Variants in B3GALT1 observed in about 807,000 individuals in gnomAD.
B3GALT1 encodes beta-1,3-galactosyltransferase 1, also known as UDP-Gal:betaGlcNAc beta 1,3-galactosyltransferase, polypeptide 1.
Under a neutral mutation model 23.2 loss-of-function variants are expected in B3GALT1, and 10 were observed. The observed-to-expected ratio is 0.43, with a 90% confidence interval of 0.27 to 0.73. The LOEUF (loss-of-function observed/expected upper bound fraction) is 0.73, where lower values mean the gene tolerates loss of function less well. Among genes scored for constraint, B3GALT1 ranks in the 30% least tolerant of loss-of-function variants. B3GALT1 has a pLI of 0.21. For missense variants in B3GALT1, 299 were observed against 405.4 expected (o/e 0.74, Z 2.25); for synonymous variants, 156 against 141.5 (o/e 1.10, Z -0.73).
chr2:167,704,201 A>AT (rs1686936128), intron 3 of B3GALT1, among the ~76,000 whole-genome samples: 1 of 151,384 alleles, frequency 6.6e-6, no homozygotes, highest in African/African-American at 2.4e-5. Flanking sequence ...AAAAAAAAAA[A>AT]AGGTAACTCA....
chr2:167,420,844 A>G (rs1381028388), intron 1 of B3GALT1, among the ~76,000 whole-genome samples: 3 of 152,238 alleles, frequency 2.0e-5, no homozygotes, highest in Admixed American at 6.5e-5. Context: ...ACTTGATTGC[A>G]TGAAGTAGAG....
At chr2:167,342,794 C>A (rs1697169474) in intron 1 of B3GALT1, among the ~76,000 whole-genome samples, 1 of 152,052 alleles carries the variant, frequency 6.6e-6, no homozygotes, top group African/African-American at 2.4e-5. Flanking sequence ...AACATACAGG[C>A]TTTGACTGGT....
intron 3 of B3GALT1, among the ~76,000 whole-genome samples, chr2:167,702,317 G>A (rs1342336289): frequency 6.6e-6 from 1 of 152,202 alleles, no homozygotes; most frequent in East Asian, 1.9e-4. Context: ...GCCAAATATT[G>A]TATATTATTC....
intron 1 of B3GALT1, among the ~76,000 whole-genome samples, chr2:167,461,195 A>C (rs1478888586): frequency 6.6e-6 from 1 of 152,216 alleles, no homozygotes; most frequent in Non-Finnish European, 1.5e-5. Context: ...TCTGGGCCCC[A>C]CAAGCCATGT....
At chr2:167,322,122 G>A (rs1696824404) in intron 1 of B3GALT1, among the ~76,000 whole-genome samples, 1 of 151,878 alleles carries the variant, frequency 6.6e-6, no homozygotes, top group South Asian at 2.1e-4. Flanking sequence ...TTAGGATCTG[G>A]TTATTTTGAA....
At chr2:167,592,391 G>C (rs1227905003) in intron 2 of B3GALT1, among the ~76,000 whole-genome samples, 1 of 152,154 alleles carries the variant, frequency 6.6e-6, no homozygotes, top group Non-Finnish European at 1.5e-5. Flanking sequence ...GATGCTCCTA[G>C]GCATAGGAGG....
chr2:167,624,557 T>G (rs886353949), intron 2 of B3GALT1, among the ~76,000 whole-genome samples: 1 of 151,988 alleles, frequency 6.6e-6, no homozygotes, highest in African/African-American at 2.4e-5. Flanking sequence ...AAAGCTGAGT[T>G]TAAGTACCTT....
intron 1 of B3GALT1, among the ~76,000 whole-genome samples, chr2:167,483,940 C>T (rs573779008): frequency 3.3e-4 from 51 of 152,306 alleles, no homozygotes; most frequent in African/African-American, 1.1e-3. Context: ...AACCCTCTGT[C>T]TCTATTGCAC....
intron 1 of B3GALT1, among the ~76,000 whole-genome samples, chr2:167,439,248 A>G (rs749465507): frequency 5.3e-5 from 8 of 152,172 alleles, no homozygotes; most frequent in Admixed American, 3.3e-4. Flanking sequence ...TTTGCTTTCT[A>G]TACTTTAAAT....
intron 1 of B3GALT1, among the ~76,000 whole-genome samples, chr2:167,442,240 G>T (rs1391415486): frequency 2.0e-5 from 3 of 152,028 alleles, no homozygotes; most frequent in African/African-American, 7.3e-5. Context: ...AGTATTCCAT[G>T]GTGTATATGT....
rs562235630 is a variant in B3GALT1, at chr2:167,715,992, G to A, written c.-352+69026G>A. 1.1e-5 allele frequency: 17 copies of A among 1,611,956 alleles called. No homozygotes were observed. In the South Asian group the frequency reaches 1.9e-4, roughly 18 times the overall value. On this transcript the variant is annotated intron_variant, in intron 3 of 4. Coordinates refer to ENST00000392690, the MANE Select transcript of B3GALT1 (RefSeq NM_020981.4). ...ATCTTGTCTCATACTCTCAGGTAGT[G>A]CTGCCACAATTCTGCGTAGCTCCTC...
chr2:167,331,226 A>G (rs1696968513), intron 1 of B3GALT1, among the ~76,000 whole-genome samples: 1 of 152,164 alleles, frequency 6.6e-6, no homozygotes, highest in South Asian at 2.1e-4. Context: ...TTGGGCCCTA[A>G]TGATCACAGC....
chr2:167,417,407 A>G (rs542253475), intron 1 of B3GALT1, among the ~76,000 whole-genome samples: 7 of 152,298 alleles, frequency 4.6e-5, no homozygotes, highest in African/African-American at 1.7e-4. Flanking sequence ...GGTTCTCACT[A>G]GATGCGACCC....
chr2:167,622,206 C>T (rs903656082), intron 2 of B3GALT1, among the ~76,000 whole-genome samples: 2 of 152,022 alleles, frequency 1.3e-5, no homozygotes, highest in East Asian at 1.9e-4. Context: ...ACCACTTTAG[C>T]CAATGATGAT....
At chr2:167,445,438 T>C (rs1485643909) in intron 1 of B3GALT1, among the ~76,000 whole-genome samples, 1 of 152,198 alleles carries the variant, frequency 6.6e-6, no homozygotes, top group Non-Finnish European at 1.5e-5. Flanking sequence ...TTCTGTCTCA[T>C]TGATCTGTCT....
intron 3 of B3GALT1, among the ~76,000 whole-genome samples, chr2:167,727,962 C>A (rs2105262627): frequency 6.6e-6 from 1 of 152,330 alleles, no homozygotes; most frequent in South Asian, 2.1e-4. Flanking sequence ...CTGAATCAGT[C>A]ACACTAGCTT....
intron 1 of B3GALT1, among the ~76,000 whole-genome samples, chr2:167,320,498 A>G (rs1296383504): frequency 6.6e-6 from 1 of 151,938 alleles, no homozygotes; most frequent in Non-Finnish European, 1.5e-5. Context: ...CTGAACTATC[A>G]TCTAAGACTC....
intron 1 of B3GALT1, among the ~76,000 whole-genome samples, chr2:167,372,143 T>C (rs1439795920): frequency 6.6e-6 from 1 of 151,972 alleles, no homozygotes; most frequent in Non-Finnish European, 1.5e-5. Context: ...TAAAATACCA[T>C]GGTTATGTGG....
chr2:167,823,554 G>A (rs954982747), intron 4 of B3GALT1, among the ~76,000 whole-genome samples: 86 of 152,300 alleles, frequency 5.6e-4, no homozygotes, highest in African/African-American at 2.0e-3. Context: ...ATTTGGTATA[G>A]CGAACAAAAG....
Sources: gnomAD v4.1 joint callset for allele counts (sites outside exome capture counted in the v4.1 genomes callset) on GRCh38, gnomAD v4.1.1 for gene constraint, MANE v1.5 for transcripts, NCBI Gene and HGNC (gene_info 2026-07-23, HGNC 2026-07-21) for gene names.